Variants in CSTPP1 observed in about 807,000 individuals in gnomAD.
CSTPP1 encodes the protein UPF0705 protein C11orf49.
At chr11:47,151,993 G>C in the CSTPP1 span, among the ~76,000 whole-genome samples, 1 of 152,050 alleles carries the variant, frequency 6.6e-6, no homozygotes, top group Non-Finnish European at 1.5e-5. Context: ...CATGAGGTAG[G>C]GTACTCAGGA....
the CSTPP1 span, among the ~76,000 whole-genome samples, chr11:46,961,194 G>A: frequency 7.2e-5 from 11 of 152,182 alleles, no homozygotes; most frequent in African/African-American, 2.7e-4. Context: ...AGCAGTATAT[G>A]AGGGTTCTAA....
At chr11:47,091,752 C>T in the CSTPP1 span, among the ~76,000 whole-genome samples, 12,021 of 152,174 alleles carry the variant, frequency 0.079, 498 homozygotes, top group Non-Finnish European at 0.09. Flanking sequence ...AGGAAGAAGA[C>T]AATGTGACAC....
the CSTPP1 span, among the ~76,000 whole-genome samples, chr11:46,938,305 A>G: frequency 6.7e-6 from 1 of 148,734 alleles, no homozygotes; most frequent in Non-Finnish European, 1.5e-5. Context: ...ACAATGGATA[A>G]ACATATATAT....
At chr11:47,124,280 C>T in the CSTPP1 span, among the ~76,000 whole-genome samples, 2 of 151,566 alleles carry the variant, frequency 1.3e-5, no homozygotes, top group African/African-American at 2.4e-5. Context: ...CGTGCCACCA[C>T]GCCTGGCTAG....
At chr11:47,157,622 C>G in the CSTPP1 span, among the ~76,000 whole-genome samples, 1 of 151,994 alleles carries the variant, frequency 6.6e-6, no homozygotes, top group African/African-American at 2.4e-5. Flanking sequence ...ACTCCCCACC[C>G]CGGTGAAAGC....
the CSTPP1 span, among the ~76,000 whole-genome samples, chr11:47,117,089 A>G: frequency 6.6e-6 from 1 of 151,976 alleles, no homozygotes; most frequent in African/African-American, 2.4e-5. Flanking sequence ...TCTTTTTCCA[A>G]TTTGCCAGTC....
chr11:47,159,691 C>T, the CSTPP1 span: 5 of 456,200 alleles, frequency 1.1e-5, no homozygotes, highest in Middle Eastern at 3.3e-4. Flanking sequence ...GTAACCTCAT[C>T]CCCCTTTTCT....
At chr11:47,159,803 G>A in the CSTPP1 span, 248 of 427,990 alleles carry the variant, frequency 5.8e-4, 2 homozygotes, top group African/African-American at 3.1e-3. Context: ...TCAGGAGTTC[G>A]AGACCAGCCT....
chr11:46,974,625 G>A, the CSTPP1 span, among the ~76,000 whole-genome samples: 1 of 151,620 alleles, frequency 6.6e-6, no homozygotes, highest in Non-Finnish European at 1.5e-5. Context: ...TGGTTCACTT[G>A]AGATCAGGAG....
chr11:47,099,701 TTG>T, the CSTPP1 span, among the ~76,000 whole-genome samples: 4 of 152,226 alleles, frequency 2.6e-5, no homozygotes, highest in African/African-American at 9.6e-5. Context: ...CCTGTTTGTA[TTG>T]CCTTATTACA....
chr11:47,130,301 A>AT, the CSTPP1 span, among the ~76,000 whole-genome samples: 1 of 151,714 alleles, frequency 6.6e-6, no homozygotes, highest in Admixed American at 6.6e-5. Flanking sequence ...TTCTGCCCCC[A>AT]TTGGAACACA....
At chr11:47,023,994 G>A in the CSTPP1 span, among the ~76,000 whole-genome samples, 6 of 151,636 alleles carry the variant, frequency 4.0e-5, no homozygotes, top group African/African-American at 1.5e-4. Context: ...GAATTATATG[G>A]TAATTCCACC....
the CSTPP1 span, among the ~76,000 whole-genome samples, chr11:46,939,716 C>T: frequency 2.6e-5 from 4 of 152,232 alleles, no homozygotes; most frequent in East Asian, 7.7e-4. Flanking sequence ...TTGCCTCCAT[C>T]TGCCCAGTTT....
chr11:46,967,735 T>C, the CSTPP1 span, among the ~76,000 whole-genome samples: 2 of 151,588 alleles, frequency 1.3e-5, no homozygotes, highest in South Asian at 2.1e-4. Flanking sequence ...TTTAATGAGG[T>C]AAATATTGGA....
the CSTPP1 span, among the ~76,000 whole-genome samples, chr11:47,131,191 T>C: frequency 6.6e-6 from 1 of 152,162 alleles, no homozygotes; most frequent in Non-Finnish European, 1.5e-5. Flanking sequence ...CCCCACTTCC[T>C]TCCATCTGGC....
the CSTPP1 span, chr11:47,157,803 T>C: frequency 6.2e-7 from 1 of 1,611,916 alleles, no homozygotes; most frequent in Non-Finnish European, 8.5e-7. Context: ...GTGGCATCTC[T>C]CCTTCTTAGC....
chr11:47,019,949 T>C, the CSTPP1 span, among the ~76,000 whole-genome samples: 10 of 152,372 alleles, frequency 6.6e-5, no homozygotes, highest in African/African-American at 2.4e-4. Context: ...TTCTGTATAA[T>C]GAATTTTTTT....
chr11:46,999,412 C>T, the CSTPP1 span, among the ~76,000 whole-genome samples: 1 of 152,108 alleles, frequency 6.6e-6, no homozygotes, highest in African/African-American at 2.4e-5. Context: ...GTGACAGACT[C>T]AGGAATCAAG....
chr11:46,942,491 C>T, the CSTPP1 span, among the ~76,000 whole-genome samples: 1 of 152,208 alleles, frequency 6.6e-6, no homozygotes, highest in Non-Finnish European at 1.5e-5. Context: ...CATGCTTTCA[C>T]TCACGCTCCA....
Sources: allele counts gnomAD v4.1 joint callset (sites outside exome capture counted in the v4.1 genomes callset), GRCh38; gene constraint gnomAD v4.1.1; transcripts MANE v1.5; gene names NCBI Gene and HGNC (gene_info 2026-07-23, HGNC 2026-07-21).